Variants in ANO3 observed in about 807,000 individuals in gnomAD.
The protein encoded by ANO3 is anoctamin-3.
ANO3 carries 99 observed loss-of-function variants against 144.8 expected under a neutral mutation model. The observed-to-expected ratio is 0.68, with a 90% CI of 0.58 to 0.81. The LOEUF (loss-of-function observed/expected upper bound fraction) is 0.81. ANO3 is among the 30% of genes least tolerant of loss of function. The probability of loss-of-function intolerance (pLI) is 0.00; values close to 1 mark genes in which losing one functional copy is unlikely to be tolerated. For missense variants in ANO3, 905 were observed against 1,202.2 expected (o/e 0.75, Z 3.66); for synonymous variants, 414 against 392.6 (o/e 1.05, Z -0.64).
chr11:26,586,301 G>T (rs998266535), intron 14 of ANO3, among the ~76,000 whole-genome samples: 1 of 149,998 alleles, frequency 6.7e-6, no homozygotes, highest in African/African-American at 2.5e-5. Flanking sequence ...TCTTCCAACT[G>T]CTCAGTTCTC....
intron 1 of ANO3, among the ~76,000 whole-genome samples, chr11:26,207,108 T>C (rs1268694806): frequency 6.6e-6 from 1 of 152,102 alleles, no homozygotes; most frequent in Non-Finnish European, 1.5e-5. Flanking sequence ...GATGAGTAAG[T>C]CCTAAAGATC....
chr11:26,398,970 A>G (rs1356349370), intron 1 of ANO3, among the ~76,000 whole-genome samples: 2 of 152,014 alleles, frequency 1.3e-5, no homozygotes, highest in African/African-American at 4.8e-5. Flanking sequence ...GTGATGGGGT[A>G]ATGACAGACA....
At chr11:26,635,831 C>G (rs1202698300) in intron 20 of ANO3, among the ~76,000 whole-genome samples, 2 of 152,166 alleles carry the variant, frequency 1.3e-5, no homozygotes, top group African/African-American at 4.8e-5. Flanking sequence ...AGTCTATATT[C>G]TAATTCTTCC....
chr11:26,633,869 A>G (rs1223695000), intron 18 of ANO3, among the ~76,000 whole-genome samples: 1 of 152,094 alleles, frequency 6.6e-6, no homozygotes, highest in Non-Finnish European at 1.5e-5. Context: ...TGAGGTCAGG[A>G]GTTCGAGACC....
intron 3 of ANO3, 105 bp from the exon 4 acceptor site, chr11:26,462,925 A>G (rs1859464960): frequency 6.2e-6 from 3 of 485,152 alleles, no homozygotes; most frequent in Admixed American, 4.0e-5. Context: ...TAGTATATAT[A>G]TAGGCTAAAC....
chr11:26,596,567 T>A (rs1470208589), intron 14 of ANO3, among the ~76,000 whole-genome samples: 2 of 152,144 alleles, frequency 1.3e-5, no homozygotes, highest in Non-Finnish European at 2.9e-5. Flanking sequence ...GTTCATTGCC[T>A]AGGTGCTTAA....
chr11:26,631,673 A>G (rs1388226636), intron 18 of ANO3, among the ~76,000 whole-genome samples: 3 of 152,192 alleles, frequency 2.0e-5, no homozygotes, highest in African/African-American at 7.2e-5. Context: ...AAAAGCACAT[A>G]TATCAAGAAA....
At chr11:26,644,887 ATG>A (rs544736217) in intron 23 of ANO3, among the ~76,000 whole-genome samples, 1 of 151,942 alleles carries the variant, frequency 6.6e-6, no homozygotes, top group Non-Finnish European at 1.5e-5. Flanking sequence ...GTATAAATAT[ATG>A]TGTGTGTACA....
Position 26,660,648 on chromosome 11 carries a change from G to T in ANO3, c.*204G>T. The stretch of plus-strand genomic sequence containing the variant: ...AACAATGACTTGACGACCTTAAAAA[G>T]GGTTAGATTGACATTGCAGGAAGCC... On this transcript the variant is annotated 3_prime_UTR_variant, in exon 27 of 27. Transcript: ENST00000256737. The T allele has an allele frequency of 2.0e-6, 1 of 497,224 alleles. No individual in the cohort carries two copies. The highest frequency in any genetic ancestry group is 3.5e-6 in the Non-Finnish European group (1 of 288,056). 30.8% of individuals were successfully genotyped at this position (497,224 alleles called of 1,614,324 possible).
intron 14 of ANO3, among the ~76,000 whole-genome samples, chr11:26,566,103 G>A (rs1850572487): frequency 6.6e-6 from 1 of 151,648 alleles, no homozygotes; most frequent in Non-Finnish European, 1.5e-5. Flanking sequence ...TTCCTTCCTT[G>A]CTTCTAGGGA....
At chr11:26,652,025 G>A (rs959964402) in intron 24 of ANO3, among the ~76,000 whole-genome samples, 1 of 151,910 alleles carries the variant, frequency 6.6e-6, no homozygotes, top group Non-Finnish European at 1.5e-5. Flanking sequence ...CCCAATCACC[G>A]TAACCACTTC....
In ANO3 at chr11:26,599,575, T is replaced by G; in HGVS notation, c.1697T>G (p.Phe566Cys). The G allele has an allele frequency of 6.2e-7, 1 of 1,614,042 alleles. No homozygotes were observed. The highest frequency in any genetic ancestry group is 1.1e-5 in the South Asian group (1 of 91,062). Residue 566 changes from phenylalanine to cysteine, a missense_variant, in exon 17 of 27, where the codon TTT (phenylalanine) becomes TGT (cysteine). Physicochemically the swap from Phe to Cys is radical, Grantham distance 205. Transcript: ENST00000256737. ...ATATCCTTGGTGATCACTGCAGTGT[T>G]TGGAGTTGTGGTGTACCGCCTGGTT... ...FMISLVITAV[F>C]GVVVYRLVVM...
chr11:26,512,047 C>A (rs1241189907), intron 5 of ANO3, among the ~76,000 whole-genome samples: 1 of 152,030 alleles, frequency 6.6e-6, no homozygotes, highest in African/African-American at 2.4e-5. Flanking sequence ...TGATCACATT[C>A]GTTTTCAAAA....
At chr11:26,277,067 C>A (rs933168811) in intron 1 of ANO3, among the ~76,000 whole-genome samples, 3 of 152,086 alleles carry the variant, frequency 2.0e-5, no homozygotes, top group African/African-American at 7.2e-5. Context: ...GTTCTACCTT[C>A]ATTTACTTGG....
intron 17 of ANO3, among the ~76,000 whole-genome samples, chr11:26,604,486 C>T (rs1851883261): frequency 6.6e-6 from 1 of 152,098 alleles, no homozygotes; most frequent in Non-Finnish European, 1.5e-5. Context: ...AGTATTGAAT[C>T]TATAAATTAC....
intron 1 of ANO3, among the ~76,000 whole-genome samples, chr11:26,438,224 T>C (rs1391986184): frequency 2.0e-5 from 3 of 152,128 alleles, no homozygotes; most frequent in Non-Finnish European, 4.4e-5. Flanking sequence ...CTAACCAATA[T>C]GCAAAACTTA....
At chr11:26,642,811 TTC>T in intron 22 of ANO3, among the ~76,000 whole-genome samples, 2 of 146,242 alleles carry the variant, frequency 1.4e-5, no homozygotes, top group South Asian at 4.6e-4. Context: ...CTTCTTCTTT[TTC>T]CTCCTCCTCC....
Position 26,205,665 on chromosome 11 carries a change from C to T in ANO3, c.154+16335C>T, listed in dbSNP as rs1851782063. Among the ~76,000 whole-genome samples the T allele has an allele frequency of 3.3e-5, 5 of 152,146 alleles. No homozygotes were observed. The South Asian group carries it at 1.0e-3, about 32-fold the overall frequency. On this transcript the variant is annotated intron_variant, in intron 1 of 27. Transcript: ENST00000672621. ...GGAACTTATGGCCTTCACTATCAAG[C>T]TGTTTTGAATATACCTGGCTTTTAA...
intron 14 of ANO3, chr11:26,561,207 G>A (rs759346265): frequency 6.2e-7 from 1 of 1,608,750 alleles, no homozygotes. Context: ...AGGTTCCGGT[G>A]CATTGTCTAA....
Sources: gnomAD v4.1 joint callset for allele counts (sites outside exome capture counted in the v4.1 genomes callset) on GRCh38, gnomAD v4.1.1 for gene constraint, MANE v1.5 for transcripts, NCBI Gene and HGNC (gene_info 2026-07-23, HGNC 2026-07-21) for gene names.